The following LMLN variants were observed in gnomAD, a reference collection of about 807,000 sequenced individuals.
LMLN encodes the protein leishmanolysin like peptidase, also known as leishmanolysin-like peptidase.
Under a neutral mutation model 92.3 loss-of-function variants are expected in LMLN, and 70 were observed. The observed-to-expected ratio is 0.76, with a 90% CI of 0.63 to 0.92. The LOEUF (loss-of-function observed/expected upper bound fraction) is 0.92, where lower values mean the gene tolerates loss of function less well. Ranked by LOEUF, LMLN falls within the 40% of genes least tolerant of loss-of-function variation. The probability of loss-of-function intolerance (pLI) is 0.00; values close to 1 mark genes in which losing one functional copy is unlikely to be tolerated. For synonymous variants in LMLN, 308 were observed against 296.2 expected (o/e 1.04, Z -0.41); for missense variants, 691 against 814.6 (o/e 0.85, Z 1.85).
intron 13 of LMLN, among the ~76,000 whole-genome samples, chr3:198,022,765 A>G (rs1299688291): frequency 6.6e-6 from 1 of 152,216 alleles, no homozygotes; most frequent in Non-Finnish European, 1.5e-5. Flanking sequence ...ACGAAGCCAG[A>G]GGATTGCTTG....
chr3:198,024,529 A>T, intron 13 of LMLN, 129 bp from the exon 15 acceptor site: 1 of 901,078 alleles, frequency 1.1e-6, no homozygotes, highest in Non-Finnish European at 1.6e-6. Flanking sequence ...CTAATTTTTT[A>T]AATTTAAAAT....
intron 15 of LMLN, 33 bp from the exon 17 acceptor site, chr3:198,038,534 T>C (rs1210186720): frequency 3.4e-6 from 5 of 1,461,438 alleles, no homozygotes; most frequent in Non-Finnish European, 2.9e-6. Context: ...CAAAATTGTT[T>C]ATAGAAAGTC....
At chr3:197,985,642 ATTG>A (rs1232084002) in intron 7 of LMLN, 151 bp from the exon 8 acceptor site, 18 of 477,420 alleles carry the variant, frequency 3.8e-5, no homozygotes, top group Non-Finnish European at 5.6e-5. Flanking sequence ...GGAACACTTA[ATTG>A]TTGTTCAATT....
exon 13 of LMLN, chr3:198,021,491 T>G (rs750423625): frequency 6.2e-7 from 1 of 1,614,080 alleles, no homozygotes; most frequent in Non-Finnish European, 8.5e-7. Context: ...TTTGCCTTAT[T>G]ATGGTGGCTC....
chr3:197,976,594 G>T lies in LMLN; in HGVS notation c.432-4G>T. ...TTAAACTTTGATGTACAAATGGACT[G>T]AAGACAATGTGCAACAAACCAATAC... On this transcript the variant is annotated splice_polypyrimidine_tract_variant and splice_region_variant and intron_variant, in intron 4 of 15. Coordinates refer to ENST00000330198, the Ensembl canonical transcript of LMLN. The T allele has an allele frequency of 6.5e-7, 1 of 1,532,000 alleles. No individual in the cohort carries two copies. Among genetic ancestry groups the T allele is most frequent in the Non-Finnish European group, 8.9e-7 (1 of 1,119,778 alleles). 94.9% of individuals were successfully genotyped at this position (1,532,000 alleles called of 1,614,324 possible).
At chr3:198,017,451 TTAAAG>T (rs769560543) in intron 11 of LMLN, among the ~76,000 whole-genome samples, 1 of 152,198 alleles carries the variant, frequency 6.6e-6, no homozygotes, top group Non-Finnish European at 1.5e-5. Flanking sequence ...CTACACCTAC[TTAAAG>T]TAAGGTTCTT....
intron 7 of LMLN, 115 bp downstream of exon 7, chr3:197,984,163 G>A (rs1298215261): frequency 2.1e-5 from 13 of 628,608 alleles, no homozygotes; most frequent in East Asian, 8.2e-5. Flanking sequence ...ACTCATGTTC[G>A]TGCACATGTA....
intron 7 of LMLN, among the ~76,000 whole-genome samples, chr3:197,984,340 C>T (rs1721638842): frequency 6.6e-6 from 1 of 151,944 alleles, no homozygotes; most frequent in Non-Finnish European, 1.5e-5. Context: ...TGCACTCCAG[C>T]CTGGTGGTAG....
At chr3:198,034,887 C>A (rs1461792671) in intron 14 of LMLN, among the ~76,000 whole-genome samples, 1 of 152,040 alleles carries the variant, frequency 6.6e-6, no homozygotes, top group African/African-American at 2.4e-5. Flanking sequence ...TTTATAATTT[C>A]AAACCCCAAT....
Position 198,024,806 on chromosome 3 carries a change from A to C in LMLN, c.1656+18A>C. On this transcript the variant is annotated intron_variant, in intron 14 of 15. Coordinates refer to ENST00000330198, the Ensembl canonical transcript of LMLN. ...GCTATCAGGTAAGCTTATGTTTGTT[A>C]TTAGTTGTGCCAAATATTATGTGAT... 6.3e-7 allele frequency: 1 copy of C among 1,582,678 alleles called. No individual in the cohort carries two copies. The highest frequency in any genetic ancestry group is 8.6e-7 in the Non-Finnish European group (1 of 1,168,910).
chr3:198,033,391 G>A (rs1490064272), intron 14 of LMLN, among the ~76,000 whole-genome samples: 3 of 117,316 alleles, frequency 2.6e-5, no homozygotes, highest in African/African-American at 1.6e-4. Flanking sequence ...AATACAGTTA[G>A]TATTTTATAA....
intron 5 of LMLN, among the ~76,000 whole-genome samples, chr3:197,978,239 C>A (rs1721459670): frequency 6.6e-6 from 1 of 152,158 alleles, no homozygotes; most frequent in Admixed American, 6.5e-5. Context: ...TTAATCATTT[C>A]TTTAAGAGAT....
chr3:197,983,891 A>G, intron 6 of LMLN, 52 bp from the exon 7 acceptor site: 2 of 1,210,968 alleles, frequency 1.7e-6, no homozygotes, highest in Non-Finnish European at 1.2e-6. Flanking sequence ...AGTAAATGTT[A>G]ATAAATATTG....
chr3:197,996,448 A>G (rs564086034), intron 10 of LMLN, 166 bp downstream of exon 10: 84 of 462,776 alleles, frequency 1.8e-4, no homozygotes, highest in African/African-American at 1.6e-3. Context: ...CTTTTTTTGT[A>G]TATACTTTCA....
At chr3:197,974,419 A>G in exon 2 of LMLN, 1 of 1,598,424 alleles carries the variant, frequency 6.3e-7, no homozygotes, top group South Asian at 1.1e-5. Flanking sequence ...TGTGGTCAAG[A>G]GAGATGTTGA....
intron 15 of LMLN, among the ~76,000 whole-genome samples, chr3:198,036,305 T>C (rs988930916): frequency 5.3e-5 from 8 of 152,094 alleles, no homozygotes; most frequent in African/African-American, 1.9e-4. Context: ...TCATCAAAGA[T>C]CACAAAAAGT....
rs187159852 is a variant in LMLN at position 198,031,338 on chromosome 3, C to T, written c.1657-4495C>T. On this transcript the variant is annotated intron_variant, in intron 14 of 15. Coordinates refer to ENST00000330198, the Ensembl canonical transcript of LMLN. The surrounding 1 kb of genome is among the most constrained non-coding windows in gnomAD (Gnocchi z 4.8). ...TTGGTGATAAAAATGTTTGTTTTCT[C>T]CTGGAAAAGGAAGGGTATTATTCAT... 1.1e-3 allele frequency among the ~76,000 whole-genome samples: 175 copies of T among 152,208 alleles called. No individual in the cohort carries two copies. The highest frequency in any genetic ancestry group is 6.8e-3 in the Middle Eastern group (2 of 294).
intron 11 of LMLN, among the ~76,000 whole-genome samples, chr3:198,018,637 A>T (rs1409894339): frequency 6.6e-6 from 1 of 152,248 alleles, no homozygotes; most frequent in Non-Finnish European, 1.5e-5. Context: ...AAAATAAGAA[A>T]TATTTAATAC....
chr3:197,961,389 A>C (rs1290777763), intron 1 of LMLN, among the ~76,000 whole-genome samples: 2 of 152,170 alleles, frequency 1.3e-5, no homozygotes, highest in East Asian at 1.9e-4. Flanking sequence ...CAGAAATCTA[A>C]AGACACTCAT....
Sources: gnomAD v4.1 joint callset for allele counts (sites outside exome capture counted in the v4.1 genomes callset) on GRCh38, gnomAD v4.1.1 for gene constraint, Gnocchi (gnomAD v3.1) non-coding constraint, MANE v1.5 for transcripts, NCBI Gene and HGNC (gene_info 2026-07-23, HGNC 2026-07-21) for gene names.